Variants in MIB1 observed in about 807,000 individuals in gnomAD.
MIB1 encodes the protein MIB E3 ubiquitin protein ligase 1.
MIB1 carries 278 observed loss-of-function variants against 124.5 expected under a neutral mutation model. That is an observed-to-expected ratio of 2.23 (90% CI 2.02 to 2.47). The LOEUF (loss-of-function observed/expected upper bound fraction) is 2.47. Among genes scored for constraint, MIB1 ranks in the 30% most tolerant of loss-of-function variants. The probability of loss-of-function intolerance (pLI) is 0.00; values close to 1 mark genes in which losing one functional copy is unlikely to be tolerated. For missense variants in MIB1, 957 were observed against 1,254.4 expected (o/e 0.76, Z 3.58); for synonymous variants, 446 against 429.4 (o/e 1.04, Z -0.48).
intron 1 of MIB1, among the ~76,000 whole-genome samples, chr18:21,760,709 C>T (rs76054929): frequency 2.0e-5 from 3 of 152,072 alleles, no homozygotes; most frequent in Non-Finnish European, 4.4e-5. Context: ...GGAAAATGAA[C>T]TTAGAAATGA....
chr18:21,745,161 T>G (rs538428523), intron 1 of MIB1, among the ~76,000 whole-genome samples: 33 of 152,376 alleles, frequency 2.2e-4, no homozygotes, highest in African/African-American at 5.0e-4. Context: ...GGATAAGTTG[T>G]ATGAATTTGT....
chr18:21,724,753 T>TATAC (rs2040733300), intron 1 of MIB1, among the ~76,000 whole-genome samples: 4 of 98,810 alleles, frequency 4.0e-5, no homozygotes, highest in African/African-American at 1.6e-4. Context: ...TATATATATA[T>TATAC]ATATATATAT....
chr18:21,796,545 C>T (rs1291924543), intron 7 of MIB1, among the ~76,000 whole-genome samples: 1 of 152,046 alleles, frequency 6.6e-6, no homozygotes, highest in Non-Finnish European at 1.5e-5. Context: ...CACATGTATC[C>T]CAGAACTTAA....
chr18:21,705,725 G>C (rs551147881), intron 1 of MIB1, among the ~76,000 whole-genome samples: 15 of 152,292 alleles, frequency 9.8e-5, no homozygotes, highest in African/African-American at 1.4e-4. Context: ...GACCAGAAGT[G>C]AGCAATTTAT....
At chr18:21,817,821 A>C (rs1750584823) in intron 11 of MIB1, 3 of 251,412 alleles carry the variant, frequency 1.2e-5, no homozygotes, top group Admixed American at 9.4e-5. Context: ...ACCATGCAGG[A>C]AATATGTCTA....
intron 1 of MIB1, among the ~76,000 whole-genome samples, chr18:21,749,842 A>G (rs562127993): frequency 1.8e-4 from 27 of 151,692 alleles, no homozygotes; most frequent in Non-Finnish European, 3.4e-4. Context: ...GTGTTTCCCC[A>G]TGTTGGTCAG....
upstream of MIB1, among the ~76,000 whole-genome samples, chr18:21,737,493 G>A (rs1229512533): frequency 6.6e-6 from 1 of 152,094 alleles, no homozygotes; most frequent in South Asian, 2.1e-4. Flanking sequence ...TAACCAGCTA[G>A]CATCATAATG....
At chr18:21,849,158 A>G (rs746323771) in intron 16 of MIB1, 38 bp from the exon 17 acceptor site, 3 of 1,297,128 alleles carry the variant, frequency 2.3e-6, no homozygotes, top group Admixed American at 4.8e-5. Flanking sequence ...TGAATTTGTA[A>G]TAAGATAGGC....
chr18:21,723,365 C>T (rs1011712623), intron 1 of MIB1, among the ~76,000 whole-genome samples: 17 of 152,008 alleles, frequency 1.1e-4, no homozygotes, highest in South Asian at 2.1e-4. Context: ...TCCCTGGTTT[C>T]CCTTATTCTT....
At chr18:21,792,767 C>T (rs958410760) in intron 7 of MIB1, among the ~76,000 whole-genome samples, 2 of 152,202 alleles carry the variant, frequency 1.3e-5, no homozygotes, top group Admixed American at 1.3e-4. Flanking sequence ...CGATTCTGAA[C>T]TGGATTTTGA....
intron 1 of MIB1, among the ~76,000 whole-genome samples, chr18:21,744,298 A>C (rs2040888927): frequency 6.6e-6 from 1 of 152,144 alleles, no homozygotes; most frequent in Non-Finnish European, 1.5e-5. Context: ...CATAATATTA[A>C]CATTTTAAAA....
intron 10 of MIB1, among the ~76,000 whole-genome samples, chr18:21,804,546 C>T (rs2041683243): frequency 6.6e-6 from 1 of 152,182 alleles, no homozygotes; most frequent in South Asian, 2.1e-4. Context: ...AGAAACACTT[C>T]TTAATATCAT....
At chr18:21,842,124 A>AAAAG (rs1338431777) in intron 13 of MIB1, among the ~76,000 whole-genome samples, 1 of 149,920 alleles carries the variant, frequency 6.7e-6, no homozygotes, top group Non-Finnish European at 1.5e-5. Context: ...AAAAAGAAGA[A>AAAAG]AAGAAGCTGA....
intron 1 of MIB1, among the ~76,000 whole-genome samples, chr18:21,711,341 G>A (rs2146352494): frequency 6.6e-6 from 1 of 152,060 alleles, no homozygotes; most frequent in East Asian, 1.9e-4. Flanking sequence ...GAGTGCAGTA[G>A]TGCAATCTTG....
intron 13 of MIB1, among the ~76,000 whole-genome samples, chr18:21,840,057 A>G (rs1406911587): frequency 2.0e-5 from 3 of 152,146 alleles, no homozygotes; most frequent in Non-Finnish European, 4.4e-5. Context: ...CAGTCAATCA[A>G]TGAGTCACTC....
At chr18:21,846,793 T>A (rs2042138159) in intron 15 of MIB1, 151 bp from the exon 16 acceptor site, 1 of 681,934 alleles carries the variant, frequency 1.5e-6, no homozygotes, top group African/African-American at 1.8e-5. Context: ...TACTTGTGTG[T>A]ATGCTTGAGA....
Position 21,870,626 on chromosome 18 carries a change from G to A in MIB1, c.*5960G>A, listed in dbSNP as rs1186830856. 6.6e-6 allele frequency: 1 copy of A among 152,084 alleles called. No homozygotes were observed. Among genetic ancestry groups the A allele is most frequent in the Non-Finnish European group, 1.5e-5 (1 of 68,000 alleles). 9.4% of individuals were successfully genotyped at this position (152,084 alleles called of 1,614,324 possible). A position where few individuals can be genotyped will look rare whatever the true frequency, so the allele number is the denominator to read the frequency against. On this transcript the variant is annotated 3_prime_UTR_variant, in exon 21 of 21. Transcript: ENST00000261537. ...TGATCTATTTGGGTTTTAGTTTTAT[G>A]AGTAAATCATTAATTGTATGGTTTG...
At chr18:21,780,589 T>TA (rs759611601) in intron 6 of MIB1, among the ~76,000 whole-genome samples, 1 of 152,210 alleles carries the variant, frequency 6.6e-6, no homozygotes, top group Non-Finnish European at 1.5e-5. Flanking sequence ...AGCTGAGTAA[T>TA]ACTCCTTTGG....
intron 10 of MIB1, 64 bp downstream of exon 10, chr18:21,804,078 A>G (rs2041678912): frequency 5.2e-6 from 6 of 1,148,890 alleles, no homozygotes; most frequent in Non-Finnish European, 7.7e-6. Flanking sequence ...CTTCTATATC[A>G]TGAGATGGAT....
Sources: gnomAD v4.1 joint callset for allele counts (sites outside exome capture counted in the v4.1 genomes callset) on GRCh38, gnomAD v4.1.1 for gene constraint, MANE v1.5 for transcripts, NCBI Gene and HGNC (gene_info 2026-07-23, HGNC 2026-07-21) for gene names.